Variants in L3MBTL4 observed in about 807,000 individuals in gnomAD.
L3MBTL4 encodes the protein L3MBTL histone methyl-lysine binding protein 4, also known as lethal(3)malignant brain tumor-like protein 4.
A neutral mutation model predicts 84.5 loss-of-function variants in L3MBTL4; 70 were observed. The ratio of observed to expected loss-of-function variants is 0.83; its 90% CI spans 0.68 to 1.01. The LOEUF (loss-of-function observed/expected upper bound fraction) is 1.01, where lower values mean the gene tolerates loss of function less well. Among genes scored for constraint, L3MBTL4 ranks in the 50% least tolerant of loss-of-function variants. The probability of loss-of-function intolerance (pLI) is 0.00; values close to 1 mark genes in which losing one functional copy is unlikely to be tolerated. For synonymous variants in L3MBTL4, 274 were observed against 259.8 expected (o/e 1.05, Z -0.52); for missense variants, 715 against 754.8 (o/e 0.95, Z 0.62).
At chr18:6,384,991 A>G (rs1269555859) in intron 1 of L3MBTL4, among the ~76,000 whole-genome samples, 1 of 152,204 alleles carries the variant, frequency 6.6e-6, no homozygotes, top group Non-Finnish European at 1.5e-5. Flanking sequence ...GGGGGAGAAT[A>G]GAGAAGGAAG....
chr18:6,052,437 G>GAA (rs2056872864), intron 16 of L3MBTL4, among the ~76,000 whole-genome samples: 1 of 152,122 alleles, frequency 6.6e-6, no homozygotes, highest in Non-Finnish European at 1.5e-5. Flanking sequence ...TTTATATATA[G>GAA]CTAACTTTTA....
chr18:6,413,528 C>T (rs983579660), intron 1 of L3MBTL4, among the ~76,000 whole-genome samples: 6 of 152,338 alleles, frequency 3.9e-5, no homozygotes, highest in Non-Finnish European at 5.9e-5. Context: ...AACAACTCTA[C>T]TGTACCCACC....
chr18:6,201,173 A>G (rs2145654719), intron 12 of L3MBTL4, among the ~76,000 whole-genome samples: 1 of 152,360 alleles, frequency 6.6e-6, no homozygotes, highest in Middle Eastern at 3.4e-3. Context: ...ATCTAATGTC[A>G]GATAACCATA....
At chr18:6,183,047 T>C (rs811661) in intron 12 of L3MBTL4, among the ~76,000 whole-genome samples, 1 of 152,218 alleles carries the variant, frequency 6.6e-6, no homozygotes, top group Non-Finnish European at 1.5e-5. Context: ...TTTCTATGGT[T>C]ACAGTTATAA....
intron 1 of L3MBTL4, among the ~76,000 whole-genome samples, chr18:6,332,075 C>T (rs2052066072): frequency 6.6e-6 from 1 of 152,200 alleles, no homozygotes; most frequent in Non-Finnish European, 1.5e-5. Context: ...GGACTCATGA[C>T]TCCCAGGGAA....
intron 5 of L3MBTL4, among the ~76,000 whole-genome samples, chr18:6,254,618 C>G (rs1215058275): frequency 2.0e-5 from 3 of 151,990 alleles, no homozygotes; most frequent in Admixed American, 1.3e-4. Flanking sequence ...AACTTAGAAT[C>G]CTAAACTGCT....
intron 16 of L3MBTL4, chr18:6,031,309 G>T: frequency 1.0e-6 from 1 of 985,398 alleles, no homozygotes; most frequent in Non-Finnish European, 1.2e-6. Flanking sequence ...CTGGGCATTT[G>T]GGTTATAGGT....
At chr18:6,367,449 A>G (rs533327710) in intron 1 of L3MBTL4, 6 of 152,336 alleles carry the variant, frequency 3.9e-5, no homozygotes, top group African/African-American at 1.2e-4. Context: ...GATTAACCAC[A>G]TCAGTGCTGC....
intron 1 of L3MBTL4, chr18:6,356,922 C>G (rs1430773691): frequency 6.6e-6 from 1 of 152,142 alleles, no homozygotes; most frequent in African/African-American, 2.4e-5. Context: ...CCAGCATCAC[C>G]ACAAACACAT....
At chr18:6,169,284 A>T (rs2145165769) in intron 13 of L3MBTL4, among the ~76,000 whole-genome samples, 1 of 152,318 alleles carries the variant, frequency 6.6e-6, no homozygotes, top group South Asian at 2.1e-4. Flanking sequence ...TTCCTCAGGG[A>T]TCTGGAACTA....
intron 14 of L3MBTL4, among the ~76,000 whole-genome samples, chr18:6,113,066 C>A (rs986838186): frequency 6.6e-6 from 1 of 152,156 alleles, no homozygotes; most frequent in Non-Finnish European, 1.5e-5. Context: ...GAGCCCATAT[C>A]ATCTGTCTTC....
intron 12 of L3MBTL4, among the ~76,000 whole-genome samples, chr18:6,203,078 A>G (rs1180643998): frequency 1.3e-5 from 2 of 152,226 alleles, no homozygotes; most frequent in African/African-American, 4.8e-5. Context: ...AGCACACAGC[A>G]TAGAGAAGAA....
intron 4 of L3MBTL4, among the ~76,000 whole-genome samples, chr18:6,285,253 G>T (rs1213601763): frequency 6.6e-6 from 1 of 152,164 alleles, no homozygotes; most frequent in African/African-American, 2.4e-5. Context: ...GTTGGTGGCA[G>T]CACTGAAGGA....
At chr18:6,015,028 G>A (rs1341036730) in intron 16 of L3MBTL4, among the ~76,000 whole-genome samples, 1 of 152,034 alleles carries the variant, frequency 6.6e-6, no homozygotes, top group Non-Finnish European at 1.5e-5. Flanking sequence ...GGGAGGAAGG[G>A]GAGGTTTGCG....
At chr18:6,386,588 T>C (rs1489040447) in intron 1 of L3MBTL4, among the ~76,000 whole-genome samples, 2 of 152,156 alleles carry the variant, frequency 1.3e-5, no homozygotes, top group South Asian at 4.1e-4. Context: ...AGTGCTAATG[T>C]CAGGGAGGCC....
chr18:6,132,722 A>T (rs574592987), intron 14 of L3MBTL4, among the ~76,000 whole-genome samples: 4 of 152,382 alleles, frequency 2.6e-5, no homozygotes, highest in African/African-American at 9.6e-5. Flanking sequence ...TACAAAGAAG[A>T]ACATCAATTA....
At chr18:6,066,791 T>C (rs1200070603) in intron 16 of L3MBTL4, among the ~76,000 whole-genome samples, 1 of 152,126 alleles carries the variant, frequency 6.6e-6, no homozygotes, top group Non-Finnish European at 1.5e-5. Flanking sequence ...AGATATTTGG[T>C]TGATTTTTTT....
intron 7 of L3MBTL4, 80 bp downstream of exon 7, chr18:6,243,214 G>T: frequency 7.8e-7 from 1 of 1,275,756 alleles, no homozygotes. Context: ...TCTCTTCTTC[G>T]AATTTCATAA....
chr18:6,219,741 G>A (rs1220565602), intron 10 of L3MBTL4, among the ~76,000 whole-genome samples: 1 of 152,048 alleles, frequency 6.6e-6, no homozygotes, highest in Non-Finnish European at 1.5e-5. Context: ...ATGGAGTGAA[G>A]CAGAACAGCC....
Sources: gnomAD v4.1 joint callset for allele counts (sites outside exome capture counted in the v4.1 genomes callset) on GRCh38, gnomAD v4.1.1 for gene constraint, MANE v1.5 for transcripts, NCBI Gene and HGNC (gene_info 2026-07-23, HGNC 2026-07-21) for gene names.